The following NRXN1 variants were observed in gnomAD, a reference collection of about 807,000 sequenced individuals.
NRXN1 encodes the protein neurexin 1.
A neutral mutation model predicts 150.9 loss-of-function variants in NRXN1; 39 were observed. The ratio of observed to expected loss-of-function variants is 0.26; its 90% CI spans 0.20 to 0.34. The LOEUF is 0.34. NRXN1 is among the 10% of genes least tolerant of loss of function. The pLI is 1.00. For synonymous variants in NRXN1, 924 were observed against 757.0 expected (o/e 1.22, Z -3.62); for missense variants, 1,815 against 1,949.9 (o/e 0.93, Z 1.30).
At chr2:50,330,532 C>A (rs1454024066) in intron 17 of NRXN1, among the ~76,000 whole-genome samples, 1 of 152,092 alleles carries the variant, frequency 6.6e-6, no homozygotes, top group Admixed American at 6.6e-5. Context: ...CTACTCCTAA[C>A]CTTCCCCAAC....
intron 2 of NRXN1, among the ~76,000 whole-genome samples, chr2:50,999,611 C>T (rs1327397426): frequency 6.6e-6 from 1 of 151,968 alleles, no homozygotes; most frequent in African/African-American, 2.4e-5. Context: ...GACCAGCTGA[C>T]ACTTAGGGAA....
chr2:49,973,125 C>T (rs1678245852), intron 21 of NRXN1: 1 of 152,296 alleles, frequency 6.6e-6, no homozygotes, highest in Middle Eastern at 3.4e-3. Flanking sequence ...CACATGGTCT[C>T]TCACATACAC....
intron 21 of NRXN1, among the ~76,000 whole-genome samples, chr2:49,990,287 G>C (rs1323742755): frequency 6.6e-6 from 1 of 152,028 alleles, no homozygotes; most frequent in Non-Finnish European, 1.5e-5. Flanking sequence ...GAAAGAGTCT[G>C]AGCATCAAAA....
chr2:50,300,285 T>A (rs963875749), intron 17 of NRXN1, among the ~76,000 whole-genome samples: 1 of 152,198 alleles, frequency 6.6e-6, no homozygotes, highest in Non-Finnish European at 1.5e-5. Flanking sequence ...GCCAGAGATA[T>A]CTTAGTTACA....
intron 17 of NRXN1, among the ~76,000 whole-genome samples, chr2:50,380,461 G>T (rs2103655275): frequency 6.6e-6 from 1 of 152,094 alleles, no homozygotes; most frequent in African/African-American, 2.4e-5. Context: ...ATTTGTATCT[G>T]ATCTTGAGAT....
At chr2:50,027,380 T>TCCTCCCTCCCTCCCTTCCTTCCTTCCTC (rs113335146) in intron 21 of NRXN1, among the ~76,000 whole-genome samples, 4 of 135,770 alleles carry the variant, frequency 2.9e-5, no homozygotes, top group Non-Finnish European at 3.1e-5. Context: ...CTTCCTTCCT[T>TCCTCCCTCCCTCCCTTCCTTCCTTCCTC]CCTCCCTCCC....
chr2:50,092,501 A>C (rs1235869381), intron 18 of NRXN1, among the ~76,000 whole-genome samples: 1 of 152,170 alleles, frequency 6.6e-6, no homozygotes, highest in East Asian at 1.9e-4. Context: ...ACCTCAGTTG[A>C]GAGAAATCAC....
intron 15 of NRXN1, among the ~76,000 whole-genome samples, chr2:50,476,517 G>C (rs1371202437): frequency 6.6e-6 from 1 of 151,012 alleles, no homozygotes; most frequent in Non-Finnish European, 1.5e-5. Context: ...AAAGCATCTA[G>C]TATACAGCAT....
At chr2:50,439,827 A>AG (rs2085783848) in intron 17 of NRXN1, among the ~76,000 whole-genome samples, 1 of 151,092 alleles carries the variant, frequency 6.6e-6, no homozygotes, top group Admixed American at 6.6e-5. Flanking sequence ...AAAAAAAAAA[A>AG]AAAGAAAAGA....
intron 18 of NRXN1, among the ~76,000 whole-genome samples, chr2:50,096,312 G>A (rs1425096730): frequency 6.6e-6 from 1 of 151,920 alleles, no homozygotes; most frequent in African/African-American, 2.4e-5. Flanking sequence ...TATAAGACCG[G>A]TATTTACTAT....
At chr2:50,590,381 G>A (rs1300089976) in intron 8 of NRXN1, among the ~76,000 whole-genome samples, 1 of 151,980 alleles carries the variant, frequency 6.6e-6, no homozygotes, top group Non-Finnish European at 1.5e-5. Context: ...GAACTATTTT[G>A]TTTAATGCCA....
chr2:50,014,108 T>G lies in NRXN1; in HGVS notation c.4128+39163A>C, dbSNP rs552310298. 3.4e-4 allele frequency among the ~76,000 whole-genome samples: 51 copies of G among 151,974 alleles called. 1 individual carries two copies. Among genetic ancestry groups the G allele is most frequent in the Admixed American group, 1.7e-3 (26 of 15,222 alleles). On this transcript the variant is annotated intron_variant, in intron 21 of 22. Transcript: ENST00000401669. The stretch of plus-strand genomic sequence containing the variant: ...ACTAAAGAGCTTGTTTTTTTTTTGT[T>G]TTTGTTTTTGTTTTTAGAAATGAGT...
At chr2:50,270,159 T>C (rs906431545) in intron 17 of NRXN1, among the ~76,000 whole-genome samples, 35 of 152,026 alleles carry the variant, frequency 2.3e-4, no homozygotes, top group Non-Finnish European at 5.1e-4. Flanking sequence ...ATGCATTATA[T>C]AGATTAAGTG....
chr2:50,247,834 A>C (rs1032633022), intron 17 of NRXN1, among the ~76,000 whole-genome samples: 2 of 152,144 alleles, frequency 1.3e-5, no homozygotes, highest in African/African-American at 4.8e-5. Context: ...ATAATACTAC[A>C]TTAATGTTAA....
chr2:50,400,442 A>C (rs1014977879), intron 17 of NRXN1, among the ~76,000 whole-genome samples: 1 of 152,134 alleles, frequency 6.6e-6, no homozygotes, highest in Non-Finnish European at 1.5e-5. Context: ...TAAACATAAT[A>C]AAGTGGGAAC....
At chr2:50,309,095 C>T (rs896656481) in intron 17 of NRXN1, among the ~76,000 whole-genome samples, 17 of 152,156 alleles carry the variant, frequency 1.1e-4, no homozygotes, top group African/African-American at 2.2e-4. Flanking sequence ...TAATACTTTA[C>T]AGCTGAGTAT....
At chr2:49,942,587 C>CAAT (rs1558549138) in intron 22 of NRXN1, among the ~76,000 whole-genome samples, 5 of 137,486 alleles carry the variant, frequency 3.6e-5, no homozygotes, top group African/African-American at 1.4e-4. Context: ...TTAATGCAAA[C>CAAT]AATATTATTA....
intron 5 of NRXN1, among the ~76,000 whole-genome samples, chr2:50,797,239 A>G (rs1706960630): frequency 6.6e-6 from 1 of 152,178 alleles, no homozygotes; most frequent in South Asian, 2.1e-4. Context: ...AGCTGAGGCT[A>G]CAGACTTTTT....
At chr2:50,525,920 G>A (rs1056068922) in intron 12 of NRXN1, among the ~76,000 whole-genome samples, 1 of 152,146 alleles carries the variant, frequency 6.6e-6, no homozygotes, top group African/African-American at 2.4e-5. Context: ...ACATGTCCAT[G>A]GAAAACTCTG....
Sources: allele counts gnomAD v4.1 joint callset (sites outside exome capture counted in the v4.1 genomes callset), GRCh38; gene constraint gnomAD v4.1.1; transcripts MANE v1.5; gene names NCBI Gene and HGNC (gene_info 2026-07-23, HGNC 2026-07-21).